PTPRD: variants seen among roughly 807,000 people sequenced by gnomAD.
PTPRD encodes the protein protein tyrosine phosphatase receptor type D.
A neutral mutation model predicts 214.5 loss-of-function variants in PTPRD; 34 were observed. The observed-to-expected ratio is 0.16, with a 90% CI of 0.12 to 0.21. The LOEUF is 0.21. Ranked by LOEUF, PTPRD falls within the 10% of genes least tolerant of loss-of-function variation. PTPRD has a pLI of 1.00. For missense variants in PTPRD, 2,545 were observed against 2,398.7 expected (o/e 1.06, Z -1.27); for synonymous variants, 1,128 against 845.7 (o/e 1.33, Z -5.79).
At chr9:8,705,349 A>G (rs769943085) in intron 12 of PTPRD, among the ~76,000 whole-genome samples, 2 of 152,174 alleles carry the variant, frequency 1.3e-5, no homozygotes, top group Non-Finnish European at 2.9e-5. Context: ...CCTCCCGAGT[A>G]GCTGGGATTA....
intron 11 of PTPRD, among the ~76,000 whole-genome samples, chr9:8,822,098 T>C (rs780326627): frequency 6.6e-6 from 1 of 152,218 alleles, no homozygotes; most frequent in Non-Finnish European, 1.5e-5. Flanking sequence ...TGGTTTTGGT[T>C]TTGGTTTTGT....
intron 39 of PTPRD, among the ~76,000 whole-genome samples, chr9:8,351,628 C>T (rs1421685960): frequency 6.6e-6 from 1 of 151,054 alleles, no homozygotes; most frequent in Admixed American, 6.6e-5. Context: ...ATGTTGGCAG[C>T]TCCTGTGTAG....
chr9:8,332,502 A>T (rs1334268989), intron 43 of PTPRD, among the ~76,000 whole-genome samples: 1 of 152,034 alleles, frequency 6.6e-6, no homozygotes, highest in African/African-American at 2.4e-5. Flanking sequence ...ACAGGAATTA[A>T]CAGTCTGTGG....
chr9:8,648,380 A>G (rs1218402647), intron 12 of PTPRD, among the ~76,000 whole-genome samples: 1 of 152,218 alleles, frequency 6.6e-6, no homozygotes, highest in Non-Finnish European at 1.5e-5. Flanking sequence ...TTGGTGTAAG[A>G]CACTCAAAAT....
intron 9 of PTPRD, among the ~76,000 whole-genome samples, chr9:9,366,222 C>T (rs2057849754): frequency 6.6e-6 from 1 of 151,490 alleles, no homozygotes; most frequent in African/African-American, 2.4e-5. Flanking sequence ...GGTTGCATAA[C>T]CGACTATATA....
At chr9:9,075,882 T>A (rs1386017375) in intron 10 of PTPRD, among the ~76,000 whole-genome samples, 1 of 152,224 alleles carries the variant, frequency 6.6e-6, no homozygotes, top group African/African-American at 2.4e-5. Flanking sequence ...CGTGTGCATG[T>A]GTCTTTATAG....
At chr9:10,410,270 T>TACACAC (rs1555303988) in intron 2 of PTPRD, among the ~76,000 whole-genome samples, 4 of 139,836 alleles carry the variant, frequency 2.9e-5, no homozygotes, top group Admixed American at 7.4e-5. Context: ...TATATATATA[T>TACACAC]ACACACACAC....
chr9:9,546,903 T>C (rs1240025149), intron 8 of PTPRD, among the ~76,000 whole-genome samples: 1 of 151,546 alleles, frequency 6.6e-6, no homozygotes, highest in Non-Finnish European at 1.5e-5. Flanking sequence ...TGGAACCCTA[T>C]TACATGGGTA....
At chr9:8,814,974 A>T (rs1048872343) in intron 11 of PTPRD, among the ~76,000 whole-genome samples, 1 of 152,120 alleles carries the variant, frequency 6.6e-6, no homozygotes, top group African/African-American at 2.4e-5. Context: ...GTCTGAAACT[A>T]CCTCTTCTTA....
chr9:8,843,398 C>A (rs936019895), intron 11 of PTPRD, among the ~76,000 whole-genome samples: 8 of 152,136 alleles, frequency 5.3e-5, no homozygotes, highest in African/African-American at 1.9e-4. Context: ...AAATGCTGTA[C>A]ACCTTGATTT....
At chr9:8,696,644 G>A (rs1297951450) in intron 12 of PTPRD, among the ~76,000 whole-genome samples, 1 of 152,154 alleles carries the variant, frequency 6.6e-6, no homozygotes, top group Non-Finnish European at 1.5e-5. Flanking sequence ...GAAGACAATG[G>A]ATGAAAATGT....
chr9:9,110,423 C>T (rs1395653391), intron 10 of PTPRD, among the ~76,000 whole-genome samples: 1 of 152,266 alleles, frequency 6.6e-6, no homozygotes, highest in East Asian at 1.9e-4. Flanking sequence ...CTCTTGGTGA[C>T]TCTGTTGCAC....
chr9:9,828,844 T>C (rs893518509), intron 5 of PTPRD, among the ~76,000 whole-genome samples: 6 of 151,884 alleles, frequency 4.0e-5, no homozygotes, highest in Non-Finnish European at 7.4e-5. Flanking sequence ...AGAAAGAAGA[T>C]AACCACAAAA....
intron 9 of PTPRD, among the ~76,000 whole-genome samples, chr9:9,247,115 C>A (rs1286389223): frequency 6.6e-6 from 1 of 152,020 alleles, no homozygotes; most frequent in African/African-American, 2.4e-5. Context: ...CTTCTTCCAC[C>A]TTTCTTCTAG....
chr9:10,241,209 T>C (rs1045899929), intron 3 of PTPRD, among the ~76,000 whole-genome samples: 1 of 152,074 alleles, frequency 6.6e-6, no homozygotes, highest in Middle Eastern at 3.4e-3. Flanking sequence ...CAAGTGTTAG[T>C]GAGGATACAG....
chr9:8,364,423 G>C (rs1461912930), intron 39 of PTPRD, among the ~76,000 whole-genome samples: 1 of 152,214 alleles, frequency 6.6e-6, no homozygotes, highest in African/African-American at 2.4e-5. Flanking sequence ...TTATCGAATA[G>C]AAGAGGTAAC....
At chr9:9,788,487 G>A (rs1350760156) in intron 5 of PTPRD, among the ~76,000 whole-genome samples, 1 of 148,092 alleles carries the variant, frequency 6.8e-6, no homozygotes, top group Non-Finnish European at 1.5e-5. Flanking sequence ...GGGAGGCAGA[G>A]CTTGCAGTGA....
chr9:10,561,518 G>T (rs1158435555), intron 2 of PTPRD, among the ~76,000 whole-genome samples: 1 of 151,940 alleles, frequency 6.6e-6, no homozygotes, highest in East Asian at 1.9e-4. Flanking sequence ...GCACACATCA[G>T]TCTTTCAAAA....
chr9:10,536,785 C>A (rs1385670791), intron 2 of PTPRD, among the ~76,000 whole-genome samples: 1 of 152,098 alleles, frequency 6.6e-6, no homozygotes, highest in East Asian at 1.9e-4. Flanking sequence ...GAGGTTAATA[C>A]CTCAGAACTC....
Sources: allele counts gnomAD v4.1 joint callset (sites outside exome capture counted in the v4.1 genomes callset), GRCh38; gene constraint gnomAD v4.1.1; transcripts MANE v1.5; gene names NCBI Gene and HGNC (gene_info 2026-07-23, HGNC 2026-07-21).